POLA1: variants seen among roughly 807,000 people sequenced by gnomAD.
POLA1 encodes DNA polymerase alpha 1, catalytic subunit.
POLA1 carries 15 observed loss-of-function variants against 124.0 expected under a neutral mutation model. The ratio of observed to expected loss-of-function variants is 0.12; its 90% CI spans 0.08 to 0.19. The LOEUF is 0.19. Ranked by LOEUF, POLA1 falls within the 10% of genes least tolerant of loss-of-function variation. The pLI is 1.00. For missense variants in POLA1, 886 were observed against 1,103.4 expected (o/e 0.80, Z 2.79); for synonymous variants, 408 against 389.4 (o/e 1.05, Z -0.56).
intron 36 of POLA1, among the ~76,000 whole-genome samples, chrX:24,933,974 G>A (rs1167048029): frequency 8.9e-6 from 1 of 111,955 alleles, no homozygotes; most frequent in African/African-American, 3.2e-5. Context: ...TGGGACTTTG[G>A]CATTATTATT....
intron 29 of POLA1, among the ~76,000 whole-genome samples, chrX:24,813,543 G>A (rs2045938070): frequency 8.9e-6 from 1 of 112,619 alleles, no homozygotes. Context: ...GCCGGGTGCA[G>A]TGGCTCACGC....
At chrX:24,939,570 G>T (rs918974352) in intron 36 of POLA1, among the ~76,000 whole-genome samples, 1 of 111,274 alleles carries the variant, frequency 9.0e-6, no homozygotes, top group African/African-American at 3.3e-5. Flanking sequence ...GAAATTTCAT[G>T]CACTAAAAGT....
At position 24,761,674 on chromosome X, in the gene POLA1, A is replaced by C. The variant is rs191713843; in HGVS notation, c.2964+12682A>C. Among the ~76,000 whole-genome samples the C allele has an allele frequency of 7.2e-3, 809 of 112,173 alleles. 4 individuals carry two copies. The highest frequency in any genetic ancestry group is 0.011 in the Non-Finnish European group (586 of 53,217). On this transcript the variant is annotated intron_variant, in intron 26 of 36. Transcript: ENST00000379068. ...GAAAAATCCGGGTATTTCTTCTTTA[A>C]TGATGTCCTGATAGGGCAGAAAAAA...
intron 26 of POLA1, among the ~76,000 whole-genome samples, chrX:24,794,717 A>G (rs2045574817): frequency 8.9e-6 from 1 of 112,187 alleles, no homozygotes; most frequent in Admixed American, 9.4e-5. Flanking sequence ...CAAACCCAAG[A>G]GTATCTATTG....
intron 26 of POLA1, among the ~76,000 whole-genome samples, chrX:24,759,016 G>T (rs886202193): frequency 9.0e-5 from 10 of 111,457 alleles, no homozygotes; most frequent in Non-Finnish European, 1.9e-4. Context: ...GTGCTTTAAG[G>T]AATCCAGGTG....
At chrX:24,785,531 A>G (rs2045345989) in intron 26 of POLA1, among the ~76,000 whole-genome samples, 2 of 112,377 alleles carry the variant, frequency 1.8e-5, no homozygotes, top group Non-Finnish European at 3.8e-5. Flanking sequence ...AAACAAGAGC[A>G]AAGTACCACA....
chrX:24,789,138 A>G (rs1469491386), intron 26 of POLA1: 2 of 993,563 alleles, frequency 2.0e-6, no homozygotes, highest in Non-Finnish European at 2.8e-6. Context: ...TGTTCTACAT[A>G]GTAGTGGAAG....
chrX:24,709,255 C>T (rs1240155632), intron 4 of POLA1, among the ~76,000 whole-genome samples: 1 of 97,927 alleles, frequency 1.0e-5, no homozygotes, highest in African/African-American at 4.2e-5. Context: ...GACCCCCCCA[C>T]CTCCCTCCCG....
intron 34 of POLA1, among the ~76,000 whole-genome samples, chrX:24,885,363 A>T: frequency 8.9e-6 from 1 of 111,806 alleles, no homozygotes; most frequent in Non-Finnish European, 1.9e-5. Context: ...TCCTTTATTA[A>T]TATACCTAAA....
In POLA1 at chrX:24,841,637, C is replaced by T; in HGVS notation, c.3737-15C>T. The T allele has an allele frequency of 1.9e-6, 2 of 1,059,606 alleles. No homozygotes were observed. The highest frequency in any genetic ancestry group is 2.4e-5 in the South Asian group (1 of 40,958). 87.3% of individuals were successfully genotyped at this position (1,059,606 alleles called of 1,213,427 possible). A position where few individuals can be genotyped will look rare whatever the true frequency, so the allele number is the denominator to read the frequency against. ...AATACTTTTCTGAATTTGTTTTTTT[C>T]TTTTACATTAATAGGACTTGACCCC... On this transcript the variant is annotated splice_polypyrimidine_tract_variant and intron_variant, in intron 32 of 36. Coordinates refer to ENST00000379068, the MANE Select transcript of POLA1 (RefSeq NM_001330360.2).
intron 26 of POLA1, among the ~76,000 whole-genome samples, chrX:24,776,544 A>G (rs1439746144): frequency 9.0e-6 from 1 of 111,668 alleles, no homozygotes; most frequent in Non-Finnish European, 1.9e-5. Context: ...GTACTTAAAT[A>G]TTTTCTTTAA....
chrX:24,780,646 G>A (rs990303427), intron 26 of POLA1, among the ~76,000 whole-genome samples: 1 of 111,881 alleles, frequency 8.9e-6, no homozygotes, highest in Non-Finnish European at 1.9e-5. Context: ...AGTCAACCTT[G>A]CATTTCTGGG....
intron 36 of POLA1, 128 bp downstream of exon 36, chrX:24,930,677 A>T (rs1402507677): frequency 2.7e-5 from 13 of 489,242 alleles, no homozygotes; most frequent in Non-Finnish European, 3.9e-5. Context: ...GTGGGGGCCT[A>T]TGTGAACACA....
chrX:24,954,109 G>A (rs1338955053), intron 36 of POLA1, among the ~76,000 whole-genome samples: 1 of 112,251 alleles, frequency 8.9e-6, no homozygotes, highest in Non-Finnish European at 1.9e-5. Context: ...TCCAGGAAGT[G>A]CACTGTAAAG....
intron 32 of POLA1, among the ~76,000 whole-genome samples, chrX:24,839,228 T>C (rs1253689397): frequency 9.0e-6 from 1 of 111,628 alleles, no homozygotes; most frequent in Admixed American, 9.5e-5. Flanking sequence ...TCTCCCTTTA[T>C]ATTTTTACAT....
intron 36 of POLA1, among the ~76,000 whole-genome samples, chrX:24,990,068 T>C (rs2048518179): frequency 8.9e-6 from 1 of 112,021 alleles, no homozygotes; most frequent in Admixed American, 9.5e-5. Context: ...TTGTAATTCA[T>C]AGACCATGCT....
chrX:24,895,700 A>G (rs769213959), intron 35 of POLA1, among the ~76,000 whole-genome samples: 2 of 112,177 alleles, frequency 1.8e-5, no homozygotes, highest in East Asian at 5.6e-4. Flanking sequence ...GGATTTTTGA[A>G]TCCTGATTCT....
chrX:24,758,735 A>C (rs1216917789), intron 26 of POLA1, among the ~76,000 whole-genome samples: 1 of 112,174 alleles, frequency 8.9e-6, no homozygotes, highest in African/African-American at 3.2e-5. Context: ...GCTGGAGTGC[A>C]GCATCGTGAT....
chrX:24,711,723 G>A (rs1929456146), intron 4 of POLA1, among the ~76,000 whole-genome samples: 1 of 110,791 alleles, frequency 9.0e-6, no homozygotes, highest in African/African-American at 3.3e-5. Flanking sequence ...TCAGCCTCCT[G>A]AGTAGCTGGG....
Sources: gnomAD v4.1 joint callset for allele counts (sites outside exome capture counted in the v4.1 genomes callset) on GRCh38, gnomAD v4.1.1 for gene constraint, MANE v1.5 for transcripts, NCBI Gene and HGNC (gene_info 2026-07-23, HGNC 2026-07-21) for gene names.